The following LRMDA variants were observed in gnomAD, a reference collection of about 807,000 sequenced individuals.
The protein encoded by LRMDA is leucine rich melanocyte differentiation associated, also known as leucine-rich melanocyte differentiation-associated protein.
A neutral mutation model predicts 29.8 loss-of-function variants in LRMDA; 18 were observed. The observed-to-expected ratio is 0.60, with a 90% CI of 0.42 to 0.90. The LOEUF is 0.90. LRMDA is among the 40% of genes least tolerant of loss of function. LRMDA has a pLI of 0.00. For synonymous variants in LRMDA, 125 were observed against 109.4 expected, an observed-to-expected ratio of 1.14 and a Z score of -0.89; for missense variants, 273 against 273.9, an observed-to-expected ratio of 1.00 and a Z score of 0.02.
At chr10:75,817,321 A>G (rs772582590) in intron 2 of LRMDA, among the ~76,000 whole-genome samples, 2 of 152,196 alleles carry the variant, frequency 1.3e-5, no homozygotes, top group Non-Finnish European at 2.9e-5. Context: ...CTATTGTGAG[A>G]TGGTGAACTC....
At chr10:75,738,594 G>A (rs573013463) in intron 2 of LRMDA, among the ~76,000 whole-genome samples, 2 of 152,232 alleles carry the variant, frequency 1.3e-5, no homozygotes, top group Middle Eastern at 6.8e-3. Context: ...CCTTGACTTG[G>A]GTGGCTGATT....
At chr10:76,394,589 G>A (rs1283203217) in intron 6 of LRMDA, among the ~76,000 whole-genome samples, 1 of 152,062 alleles carries the variant, frequency 6.6e-6, no homozygotes, top group Non-Finnish European at 1.5e-5. Context: ...TTGTTTTTGA[G>A]TCAGCTCACT....
Position 76,459,494 on chromosome 10 carries a change from C to T in LRMDA, c.602-97715C>T, listed in dbSNP as rs574416643. Among the ~76,000 whole-genome samples, 368 of 152,166 alleles carry T rather than the reference C, an allele frequency of 2.4e-3. 2 individuals are homozygous for T. Among genetic ancestry groups the T allele is most frequent in the African/African-American group, 8.4e-3 (350 of 41,516 alleles). Reference sequence around the variant, plus strand: ...TGCCCTCTGTTTTGTATTGCTCTGCCCCAAAATACAAAACCTAATTAGTGC... The same window carrying T: ...TGCCCTCTGTTTTGTATTGCTCTGCTCCAAAATACAAAACCTAATTAGTGC... On this transcript the variant is annotated intron_variant, in intron 6 of 6. Coordinates refer to ENST00000611255, the MANE Select transcript of LRMDA (RefSeq NM_001305581.2).
At chr10:75,988,407 C>A (rs1243372770) in intron 2 of LRMDA, among the ~76,000 whole-genome samples, 2 of 152,068 alleles carry the variant, frequency 1.3e-5, no homozygotes, top group Non-Finnish European at 2.9e-5. Context: ...CCCCATTCTA[C>A]ATTCAGCATG....
intron 2 of LRMDA, among the ~76,000 whole-genome samples, chr10:75,458,295 C>A (rs1364889826): frequency 1.3e-5 from 2 of 152,102 alleles, no homozygotes; most frequent in African/African-American, 4.8e-5. Context: ...GGTCCTATGG[C>A]ATTGGTTGTT....
At chr10:75,913,113 T>C (rs1339978429) in intron 2 of LRMDA, among the ~76,000 whole-genome samples, 1 of 152,164 alleles carries the variant, frequency 6.6e-6, no homozygotes, top group Admixed American at 6.5e-5. Context: ...GTAGTTTTTT[T>C]TCTTAATGAT....
At chr10:75,792,868 T>C (rs536490706) in intron 2 of LRMDA, among the ~76,000 whole-genome samples, 2 of 152,236 alleles carry the variant, frequency 1.3e-5, no homozygotes, top group East Asian at 3.9e-4. Context: ...ACCTGGTGAG[T>C]GCTATGTAAG....
intron 2 of LRMDA, among the ~76,000 whole-genome samples, chr10:75,787,298 C>T (rs1267963074): frequency 6.6e-6 from 1 of 152,200 alleles, no homozygotes; most frequent in Non-Finnish European, 1.5e-5. Flanking sequence ...GTCAGGATTC[C>T]TGGGTGTTTC....
intron 2 of LRMDA, among the ~76,000 whole-genome samples, chr10:75,898,815 G>A (rs1432059012): frequency 1.3e-5 from 2 of 152,118 alleles, no homozygotes; most frequent in African/African-American, 2.4e-5. Context: ...TTCTGGGCTC[G>A]GCTATTCATG....
chr10:76,218,319 C>G (rs1349788466), intron 5 of LRMDA, among the ~76,000 whole-genome samples: 3 of 152,184 alleles, frequency 2.0e-5, no homozygotes, highest in Non-Finnish European at 4.4e-5. Context: ...AGGAAGCCAC[C>G]TCGGGCAGTG....
At chr10:75,498,509 A>G (rs944792666) in intron 2 of LRMDA, among the ~76,000 whole-genome samples, 1 of 152,164 alleles carries the variant, frequency 6.6e-6, no homozygotes, top group Non-Finnish European at 1.5e-5. Context: ...AAGTCCCTTG[A>G]CATTTAAGGA....
At chr10:76,438,123 C>G (rs992909518) in intron 6 of LRMDA, among the ~76,000 whole-genome samples, 3 of 152,080 alleles carry the variant, frequency 2.0e-5, no homozygotes, top group Non-Finnish European at 2.9e-5. Context: ...GCCTGAGAAC[C>G]CTTGGCATCT....
intron 6 of LRMDA, among the ~76,000 whole-genome samples, chr10:76,525,939 G>GACCACAACATTTA (rs1843170392): frequency 1.3e-5 from 2 of 152,068 alleles, no homozygotes; most frequent in Non-Finnish European, 2.9e-5. Context: ...CTCATTAAGT[G>GACCACAACATTTA]ACCACAACAT....
At chr10:75,578,379 A>G (rs1446549737) in intron 2 of LRMDA, among the ~76,000 whole-genome samples, 2 of 152,112 alleles carry the variant, frequency 1.3e-5, no homozygotes, top group African/African-American at 4.8e-5. Context: ...TGTACCCAGT[A>G]CAGGAGCCCC....
At chr10:76,225,885 C>T (rs1205516459) in intron 5 of LRMDA, among the ~76,000 whole-genome samples, 1 of 119,880 alleles carries the variant, frequency 8.3e-6, no homozygotes, top group East Asian at 2.9e-4. Context: ...CCTCCCCCCA[C>T]CCCACAACAG....
intron 2 of LRMDA, among the ~76,000 whole-genome samples, chr10:75,737,108 C>T (rs533436257): frequency 1.4e-4 from 21 of 152,146 alleles, no homozygotes; most frequent in African/African-American, 4.3e-4. Flanking sequence ...CACATGCACA[C>T]GCACGCACAC....
At chr10:75,500,208 T>C (rs923047402) in intron 2 of LRMDA, among the ~76,000 whole-genome samples, 1 of 152,156 alleles carries the variant, frequency 6.6e-6, no homozygotes, top group African/African-American at 2.4e-5. Context: ...CACCCAGACC[T>C]TTCTGAAACA....
intron 5 of LRMDA, among the ~76,000 whole-genome samples, chr10:76,193,168 G>T (rs1265001434): frequency 6.6e-6 from 1 of 152,180 alleles, no homozygotes; most frequent in Non-Finnish European, 1.5e-5. Flanking sequence ...TTCCTGCAAA[G>T]TCAGGCCTGT....
intron 5 of LRMDA, chr10:76,261,028 T>A (rs1238415068): frequency 1.3e-5 from 2 of 152,078 alleles, no homozygotes; most frequent in African/African-American, 4.8e-5. Flanking sequence ...AAGACTGACT[T>A]TTATTGGCTG....
Sources: allele counts gnomAD v4.1 joint callset (sites outside exome capture counted in the v4.1 genomes callset), GRCh38; gene constraint gnomAD v4.1.1; transcripts MANE v1.5; gene names NCBI Gene and HGNC (gene_info 2026-07-23, HGNC 2026-07-21).